The following CNTN1 variants were observed in gnomAD, a reference collection of about 807,000 sequenced individuals.
The protein encoded by CNTN1 is contactin 1.
In CNTN1, 38 loss-of-function variants were observed where a neutral mutation model predicts 126.4. That is an observed-to-expected ratio of 0.30 (90% CI 0.23 to 0.39). The LOEUF (loss-of-function observed/expected upper bound fraction) is 0.39, where lower values mean the gene tolerates loss of function less well. CNTN1 is among the 10% of genes least tolerant of loss of function. The pLI is 1.00. For synonymous variants in CNTN1, 413 were observed against 422.6 expected (o/e 0.98, Z 0.28); for missense variants, 1,009 against 1,248.4 (o/e 0.81, Z 2.89).
Position 41,027,848 on chromosome 12 carries a change from T to G in CNTN1, c.2711-9T>G. 2 of 1,575,982 alleles carry G rather than the reference T, an allele frequency of 1.3e-6. No homozygotes were observed. Among genetic ancestry groups the G allele is most frequent in the Non-Finnish European group, 1.7e-6 (2 of 1,145,414 alleles). ...GTGACCACTGATTGCATATTACTAC[T>G]TTTCACAGCTCCTAGCCAGCCTCCA... On this transcript the variant is annotated splice_polypyrimidine_tract_variant and intron_variant, in intron 21 of 23. Coordinates refer to ENST00000551295, the MANE Select transcript of CNTN1 (RefSeq NM_001843.4).
intron 1 of CNTN1, among the ~76,000 whole-genome samples, chr12:40,851,053 T>G (rs1942698571): frequency 6.6e-6 from 1 of 152,206 alleles, no homozygotes; most frequent in Admixed American, 6.5e-5. Context: ...GTATTCCTGC[T>G]GGGATTCTGA....
Position 40,798,891 on chromosome 12 carries a change from A to G in CNTN1, c.-77+106299A>G, listed in dbSNP as rs1386751311. 2.0e-5 allele frequency among the ~76,000 whole-genome samples: 3 copies of G among 152,040 alleles called. No individual in the cohort carries two copies. In the East Asian group the frequency reaches 5.8e-4, roughly 29 times the overall value. ...AACCTCCACATGTACTCCTAAACTT[A>G]AAAGTTTTCAAAAAGTCCACATTAC... On this transcript the variant is annotated intron_variant, in intron 1 of 23. Coordinates refer to ENST00000551295, the MANE Select transcript of CNTN1 (RefSeq NM_001843.4).
intron 1 of CNTN1, among the ~76,000 whole-genome samples, chr12:40,816,505 A>C (rs1941259382): frequency 6.6e-6 from 1 of 151,848 alleles, no homozygotes; most frequent in Non-Finnish European, 1.5e-5. Context: ...TGTCCCCTTT[A>C]CCACTTTTTA....
chr12:40,909,712 C>T (rs1944961055), intron 2 of CNTN1, among the ~76,000 whole-genome samples: 1 of 151,120 alleles, frequency 6.6e-6, no homozygotes, highest in African/African-American at 2.4e-5. Context: ...CACACACACC[C>T]ACATACATAG....
intron 15 of CNTN1, among the ~76,000 whole-genome samples, chr12:40,962,914 T>C (rs770707235): frequency 2.0e-5 from 3 of 152,146 alleles, no homozygotes; most frequent in East Asian, 1.9e-4. Context: ...CTTTCTATAG[T>C]ATAGAGATTA....
chr12:40,929,304 T>C (rs1249170358), intron 6 of CNTN1, among the ~76,000 whole-genome samples: 1 of 151,602 alleles, frequency 6.6e-6, no homozygotes, highest in African/African-American at 2.4e-5. Context: ...CAATAGGTTA[T>C]GTAAGCTCAT....
chr12:41,049,857 T>G (rs1949632001), intron 23 of CNTN1, among the ~76,000 whole-genome samples: 1 of 152,226 alleles, frequency 6.6e-6, no homozygotes, highest in East Asian at 1.9e-4. Flanking sequence ...TTATTTTATT[T>G]CCCAATGTCC....
At chr12:40,824,174 A>G (rs1218798999) in intron 1 of CNTN1, among the ~76,000 whole-genome samples, 2 of 152,152 alleles carry the variant, frequency 1.3e-5, no homozygotes, top group Non-Finnish European at 2.9e-5. Flanking sequence ...ATATTTTAAC[A>G]GTTTTTAAAA....
chr12:40,909,049 T>C (rs1944934457), intron 2 of CNTN1, among the ~76,000 whole-genome samples: 1 of 152,166 alleles, frequency 6.6e-6, no homozygotes, highest in South Asian at 2.1e-4. Context: ...TGAAAATTAA[T>C]AATCACTTCT....
At chr12:40,719,486 A>T (rs1942137140) in intron 1 of CNTN1, among the ~76,000 whole-genome samples, 1 of 152,234 alleles carries the variant, frequency 6.6e-6, no homozygotes, top group South Asian at 2.1e-4. Context: ...GGCTTATAAA[A>T]GAGTTACTAA....
At chr12:41,066,874 T>C (rs1950058376) in intron 23 of CNTN1, among the ~76,000 whole-genome samples, 1 of 152,222 alleles carries the variant, frequency 6.6e-6, no homozygotes, top group South Asian at 2.1e-4. Flanking sequence ...ATGGAAGAGA[T>C]ATAGTACTCC....
chr12:40,819,245 T>G (rs1197283844), intron 1 of CNTN1, among the ~76,000 whole-genome samples: 2 of 152,128 alleles, frequency 1.3e-5, no homozygotes, highest in African/African-American at 4.8e-5. Context: ...GGAAGCCCAC[T>G]TCTCTGGGCT....
intron 1 of CNTN1, among the ~76,000 whole-genome samples, chr12:40,852,385 A>C (rs1245511966): frequency 6.6e-6 from 1 of 152,106 alleles, no homozygotes; most frequent in East Asian, 1.9e-4. Flanking sequence ...CTTGGTTTTA[A>C]ACTTGGCTGG....
At chr12:41,042,114 T>C (rs1279715900) in intron 23 of CNTN1, among the ~76,000 whole-genome samples, 4 of 152,184 alleles carry the variant, frequency 2.6e-5, no homozygotes, top group Non-Finnish European at 5.9e-5. Flanking sequence ...TGGTATGTTG[T>C]GTCTTTGTTC....
At chr12:40,877,786 CT>C (rs1208308226) in intron 1 of CNTN1, among the ~76,000 whole-genome samples, 1 of 152,094 alleles carries the variant, frequency 6.6e-6, no homozygotes, top group African/African-American at 2.4e-5. Context: ...ATACTTACTT[CT>C]TTTGTTGCCT....
intron 7 of CNTN1, among the ~76,000 whole-genome samples, chr12:40,931,097 A>G (rs1330256796): frequency 1.3e-5 from 2 of 151,904 alleles, no homozygotes; most frequent in African/African-American, 2.4e-5. Flanking sequence ...ATTTGTTTCA[A>G]TTAGAAACTT....
intron 23 of CNTN1, among the ~76,000 whole-genome samples, chr12:41,043,827 T>G (rs572782201): frequency 0.022 from 3,307 of 150,238 alleles, 110 homozygotes; most frequent in African/African-American, 0.075. Context: ...CCATAAAAAA[T>G]GATGAGTTCA....
chr12:40,720,144 C>T (rs1033220251), intron 1 of CNTN1, among the ~76,000 whole-genome samples: 1 of 151,708 alleles, frequency 6.6e-6, no homozygotes, highest in Non-Finnish European at 1.5e-5. Flanking sequence ...AGCCACCGCG[C>T]CAAGCCTAAT....
intron 1 of CNTN1, among the ~76,000 whole-genome samples, chr12:40,842,926 C>T (rs1196380233): frequency 6.6e-6 from 1 of 151,996 alleles, no homozygotes; most frequent in African/African-American, 2.4e-5. Flanking sequence ...GTGTCTCAAA[C>T]TAACGTAGGC....
Sources: gnomAD v4.1 joint callset for allele counts (sites outside exome capture counted in the v4.1 genomes callset) on GRCh38, gnomAD v4.1.1 for gene constraint, MANE v1.5 for transcripts, NCBI Gene and HGNC (gene_info 2026-07-23, HGNC 2026-07-21) for gene names.